The following ELOVL5 variants were observed in gnomAD, a reference collection of about 807,000 sequenced individuals.
The protein encoded by ELOVL5 is very long chain fatty acid elongase 5.
A neutral mutation model predicts 38.6 loss-of-function variants in ELOVL5; 8 were observed. The observed-to-expected ratio is 0.21, with a 90% CI of 0.12 to 0.37. The LOEUF is 0.37. Ranked by LOEUF, ELOVL5 falls within the 10% of genes least tolerant of loss-of-function variation. ELOVL5 has a pLI of 1.00. For missense variants in ELOVL5, 280 were observed against 367.8 expected (o/e 0.76, Z 1.95); for synonymous variants, 127 against 133.7 (o/e 0.95, Z 0.34).
chr6:53,326,703 T>C (rs1363883812), intron 1 of ELOVL5, among the ~76,000 whole-genome samples: 1 of 152,168 alleles, frequency 6.6e-6, no homozygotes, highest in Non-Finnish European at 1.5e-5. Flanking sequence ...TCTAAGTCCT[T>C]GAGGCGTTAT....
At chr6:53,299,624 A>T (rs1338547096) in intron 1 of ELOVL5, among the ~76,000 whole-genome samples, 1 of 152,256 alleles carries the variant, frequency 6.6e-6, no homozygotes, top group East Asian at 1.9e-4. Context: ...GGCTACCAAA[A>T]GAGACTGTGG....
chr6:53,313,381 GAT>G (rs35235285), intron 1 of ELOVL5, among the ~76,000 whole-genome samples: 55,077 of 151,858 alleles, frequency 0.36, 11,062 homozygotes, highest in African/African-American at 0.55. Flanking sequence ...TCATTTCTAA[GAT>G]ATGACATCAC....
intron 1 of ELOVL5, among the ~76,000 whole-genome samples, chr6:53,317,160 G>A (rs558463706): frequency 2.0e-5 from 3 of 152,278 alleles, no homozygotes; most frequent in East Asian, 1.9e-4. Flanking sequence ...CACACTTCAG[G>A]AGGTTGAATT....
intron 1 of ELOVL5, among the ~76,000 whole-genome samples, chr6:53,307,085 T>G (rs1037048671): frequency 6.6e-6 from 1 of 152,242 alleles, no homozygotes; most frequent in Non-Finnish European, 1.5e-5. Flanking sequence ...TACCAGCCAT[T>G]TGAAAGGCAG....
At position 53,324,628 on chromosome 6, in the gene ELOVL5, T is replaced by C. The variant is rs572656626; in HGVS notation, c.-9+24189A>G. On this transcript the variant is annotated intron_variant, in intron 1 of 7. Transcript: ENST00000304434. ...GAGGTGAGGTTGCAGTGAGCCAAGA[T>C]GGCACCACTGCATTCCAGCCTGGTG... Among the ~76,000 whole-genome samples, 4 of 130,312 alleles carry C rather than the reference T, an allele frequency of 3.1e-5. No homozygotes were observed. The East Asian group carries it at 9.0e-4, about 29-fold the overall frequency. 85.5% of individuals were successfully genotyped at this position (130,312 alleles called of 152,430 possible).
intron 2 of ELOVL5, 70 bp from the exon 3 acceptor site, chr6:53,292,033 C>G: frequency 9.4e-7 from 1 of 1,058,778 alleles, no homozygotes; most frequent in Non-Finnish European, 1.3e-6. Flanking sequence ...AAAAATTTCT[C>G]TAACCATGAT....
At chr6:53,348,469 G>A (rs1348931223) in intron 1 of ELOVL5, among the ~76,000 whole-genome samples, 1 of 152,112 alleles carries the variant, frequency 6.6e-6, no homozygotes, top group Middle Eastern at 3.2e-3. Flanking sequence ...ATCCCTCCGC[G>A]TCTGGTGTGG....
chr6:53,346,493 A>G (rs1419008133), intron 1 of ELOVL5, among the ~76,000 whole-genome samples: 1 of 152,210 alleles, frequency 6.6e-6, no homozygotes, highest in Non-Finnish European at 1.5e-5. Context: ...GTGCGTATTA[A>G]TAAGTACCTG....
intron 2 of ELOVL5, among the ~76,000 whole-genome samples, 173 bp from the exon 3 acceptor site, chr6:53,292,136 A>G (rs551889419): frequency 6.6e-6 from 1 of 152,210 alleles, no homozygotes; most frequent in Non-Finnish European, 1.5e-5. Flanking sequence ...AACAAGGTGA[A>G]GCTCCTTGTT....
chr6:53,274,219 C>G (rs1404498422), intron 5 of ELOVL5, among the ~76,000 whole-genome samples: 1 of 144,770 alleles, frequency 6.9e-6, no homozygotes, highest in African/African-American at 2.8e-5. Flanking sequence ...AGTTAATCCA[C>G]CATCATGAGC....
chr6:53,304,144 T>C lies in ELOVL5; in HGVS notation c.-8-8437A>G, dbSNP rs544771861. Among the ~76,000 whole-genome samples, 4 of 152,304 alleles carry C rather than the reference T, an allele frequency of 2.6e-5. No homozygotes were observed. In the South Asian group the frequency reaches 8.3e-4, roughly 32 times the overall value. On this transcript the variant is annotated intron_variant, in intron 1 of 7. Coordinates refer to ENST00000304434, the MANE Select transcript of ELOVL5 (RefSeq NM_021814.5). ...ATCTGTCCTATGAGTATAATAATTA[T>C]CTATTGGTGATACTATAAATGAGGA...
chr6:53,326,977 GAC>G (rs1476141883), intron 1 of ELOVL5, among the ~76,000 whole-genome samples: 2 of 152,204 alleles, frequency 1.3e-5, no homozygotes, highest in Non-Finnish European at 2.9e-5. Context: ...TAGTGCAGCA[GAC>G]AGTTATGGGT....
Position 53,281,472 on chromosome 6 carries a change from ACT to A in ELOVL5, c.247-5218_247-5217del, listed in dbSNP as rs1447129627. 5.9e-5 allele frequency among the ~76,000 whole-genome samples: 9 copies of A among 152,182 alleles called. No homozygotes were observed. In the East Asian group the frequency reaches 1.7e-3, roughly 29 times the overall value. Reference sequence around the variant, plus strand: ...CTGGGATTAGCACAAAGGAATCCTGACTCTCAGTCCAAATGCACCTCAAACAG... The same window carrying A: ...CTGGGATTAGCACAAAGGAATCCTGACTCAGTCCAAATGCACCTCAAACAG... On this transcript the variant is annotated intron_variant, in intron 3 of 7. Coordinates refer to ENST00000304434, the MANE Select transcript of ELOVL5 (RefSeq NM_021814.5).
At chr6:53,272,578 G>A (rs890112603) in intron 6 of ELOVL5, among the ~76,000 whole-genome samples, 6 of 152,156 alleles carry the variant, frequency 3.9e-5, no homozygotes, top group African/African-American at 1.4e-4. Flanking sequence ...GTTCATAGAC[G>A]AATTCATGAG....
chr6:53,347,889 T>C (rs1342559176), intron 1 of ELOVL5, among the ~76,000 whole-genome samples: 1 of 152,254 alleles, frequency 6.6e-6, no homozygotes, highest in East Asian at 1.9e-4. Context: ...CAACTCTTGC[T>C]CTAGGCATTG....
At chr6:53,291,115 A>C (rs1766757419) in intron 3 of ELOVL5, among the ~76,000 whole-genome samples, 1 of 152,190 alleles carries the variant, frequency 6.6e-6, no homozygotes. Flanking sequence ...CAAAATAGGG[A>C]GAAGAGAAGG....
chr6:53,334,310 T>A (rs2127592548), intron 1 of ELOVL5, among the ~76,000 whole-genome samples: 1 of 152,284 alleles, frequency 6.6e-6, no homozygotes, highest in Non-Finnish European at 1.5e-5. Flanking sequence ...GGCCACAGCC[T>A]GGACCAAGAG....
At chr6:53,327,798 C>T (rs999596838) in intron 1 of ELOVL5, among the ~76,000 whole-genome samples, 1 of 152,182 alleles carries the variant, frequency 6.6e-6, no homozygotes, top group Admixed American at 6.5e-5. Context: ...TTTCCCGTTT[C>T]TTTCAAGAAT....
intron 1 of ELOVL5, among the ~76,000 whole-genome samples, chr6:53,321,291 C>G (rs549778874): frequency 2.6e-5 from 4 of 152,208 alleles, no homozygotes; most frequent in Non-Finnish European, 4.4e-5. Context: ...AGACATCATG[C>G]GCATCACCAT....
Sources: allele counts gnomAD v4.1 joint callset (sites outside exome capture counted in the v4.1 genomes callset), GRCh38; gene constraint gnomAD v4.1.1; transcripts MANE v1.5; gene names NCBI Gene and HGNC (gene_info 2026-07-23, HGNC 2026-07-21).